Variants in TASP1 observed in about 807,000 individuals in gnomAD.
TASP1 encodes the protein taspase 1.
In TASP1, 16 loss-of-function variants were observed where a neutral mutation model predicts 56.6. The observed-to-expected ratio is 0.28, with a 90% CI of 0.19 to 0.43. TASP1 has a LOEUF of 0.43. Among genes scored for constraint, TASP1 ranks in the 20% least tolerant of loss-of-function variants. TASP1 has a pLI of 1.00. For missense variants in TASP1, 393 were observed against 511.6 expected, an observed-to-expected ratio of 0.77 and a Z score of 2.24; for synonymous variants, 179 against 184.2, an observed-to-expected ratio of 0.97 and a Z score of 0.23.
the TASP1 span, among the ~76,000 whole-genome samples, chr20:13,311,216 T>TGATA: frequency 0.055 from 7,336 of 133,106 alleles, 291 homozygotes; most frequent in Non-Finnish European, 0.08. Flanking sequence ...TATAGATAGA[T>TGATA]GATAGATAGA....
At chr20:13,301,377 T>C in the TASP1 span, among the ~76,000 whole-genome samples, 5 of 152,220 alleles carry the variant, frequency 3.3e-5, no homozygotes, top group East Asian at 9.7e-4. Context: ...TTAGGAGAGA[T>C]AAGGTTTCAC....
At chr20:13,490,992 C>A (rs2043507214) in intron 10 of TASP1, among the ~76,000 whole-genome samples, 1 of 152,134 alleles carries the variant, frequency 6.6e-6, no homozygotes, top group South Asian at 2.1e-4. Context: ...TGCCTCTCAT[C>A]CTATTCTCTG....
the TASP1 span, among the ~76,000 whole-genome samples, chr20:13,131,877 C>A: frequency 0.15 from 22,111 of 152,148 alleles, 2,228 homozygotes; most frequent in East Asian, 0.39. Context: ...AGAGTCCAGA[C>A]TGTGGTCTTC....
At chr20:13,158,795 C>G in the TASP1 span, among the ~76,000 whole-genome samples, 3 of 152,182 alleles carry the variant, frequency 2.0e-5, no homozygotes, top group East Asian at 1.9e-4. Flanking sequence ...AACCTATGTT[C>G]TATCTGAAAC....
chr20:13,214,180 G>C, the TASP1 span, among the ~76,000 whole-genome samples: 1 of 152,162 alleles, frequency 6.6e-6, no homozygotes, highest in African/African-American at 2.4e-5. Context: ...TGATGTAGGA[G>C]GATCTCCTTA....
the TASP1 span, among the ~76,000 whole-genome samples, chr20:13,317,245 C>T: frequency 6.6e-6 from 1 of 151,552 alleles, no homozygotes; most frequent in Non-Finnish European, 1.5e-5. Context: ...AAGATCTACA[C>T]CAAAAAAACA....
At chr20:13,369,656 G>A in the TASP1 span, among the ~76,000 whole-genome samples, 1 of 152,088 alleles carries the variant, frequency 6.6e-6, no homozygotes, top group Non-Finnish European at 1.5e-5. Context: ...TTTATTAAGT[G>A]GATTGGCTGA....
the TASP1 span, among the ~76,000 whole-genome samples, chr20:13,149,599 G>A: frequency 3.9e-5 from 6 of 152,336 alleles, no homozygotes; most frequent in Admixed American, 1.3e-4. Flanking sequence ...ATGAGAAAGC[G>A]TGGCAACCAC....
At chr20:13,567,785 A>G (rs1476124372) in intron 7 of TASP1, among the ~76,000 whole-genome samples, 1 of 152,188 alleles carries the variant, frequency 6.6e-6, no homozygotes, top group Non-Finnish European at 1.5e-5. Context: ...ACAAGGAAGA[A>G]AAACACATGA....
chr20:13,171,586 G>T, the TASP1 span, among the ~76,000 whole-genome samples: 1 of 152,060 alleles, frequency 6.6e-6, no homozygotes, highest in Non-Finnish European at 1.5e-5. Context: ...TTATTAAAGT[G>T]GGTCCATTTC....
chr20:13,284,681 G>A, the TASP1 span, among the ~76,000 whole-genome samples: 178 of 152,292 alleles, frequency 1.2e-3, no homozygotes, highest in African/African-American at 3.7e-3. Flanking sequence ...ATGGGGGCCC[G>A]TGTGCTGTGA....
At chr20:13,451,995 CAG>C (rs979527069) in intron 11 of TASP1, among the ~76,000 whole-genome samples, 7 of 152,126 alleles carry the variant, frequency 4.6e-5, no homozygotes, top group Middle Eastern at 3.4e-3. Flanking sequence ...GCAAGAGAAA[CAG>C]GGGAACAATT....
At chr20:13,114,901 T>C in the TASP1 span, among the ~76,000 whole-genome samples, 1 of 152,160 alleles carries the variant, frequency 6.6e-6, no homozygotes, top group African/African-American at 2.4e-5. Context: ...AAGGAGGCTT[T>C]TCACTTAGCT....
chr20:13,154,030 A>G, the TASP1 span: 2 of 1,614,148 alleles, frequency 1.2e-6, no homozygotes, highest in Admixed American at 1.7e-5. Context: ...CAACTTGCGA[A>G]AAACACAAGA....
intron 7 of TASP1, among the ~76,000 whole-genome samples, chr20:13,564,039 T>C (rs1266235186): frequency 6.6e-6 from 1 of 152,012 alleles, no homozygotes; most frequent in African/African-American, 2.4e-5. Context: ...AAACCTAATA[T>C]TAGAAGTACT....
At chr20:13,301,281 T>C in the TASP1 span, among the ~76,000 whole-genome samples, 4 of 152,134 alleles carry the variant, frequency 2.6e-5, no homozygotes, top group Non-Finnish European at 5.9e-5. Flanking sequence ...TTCCGCCTCC[T>C]GAGTTCAAGC....
At chr20:13,205,853 A>G in the TASP1 span, among the ~76,000 whole-genome samples, 1 of 152,198 alleles carries the variant, frequency 6.6e-6, no homozygotes, top group Non-Finnish European at 1.5e-5. Context: ...TCTGCAGGCA[A>G]CTGGAGCTCA....
At chr20:13,507,572 G>A (rs1359554770) in intron 10 of TASP1, among the ~76,000 whole-genome samples, 1 of 151,268 alleles carries the variant, frequency 6.6e-6, no homozygotes, top group Admixed American at 6.6e-5. Flanking sequence ...TAATGATGAA[G>A]AAACTGAAGA....
chr20:13,533,205 A>G (rs1354342639), intron 9 of TASP1, among the ~76,000 whole-genome samples: 1 of 152,190 alleles, frequency 6.6e-6, no homozygotes, highest in African/African-American at 2.4e-5. Context: ...GCATAACAAG[A>G]CACATTCCAT....
Sources: allele counts gnomAD v4.1 joint callset (sites outside exome capture counted in the v4.1 genomes callset), GRCh38; gene constraint gnomAD v4.1.1; transcripts MANE v1.5; gene names NCBI Gene and HGNC (gene_info 2026-07-23, HGNC 2026-07-21).